Variants in AGBL4 observed in about 807,000 individuals in gnomAD.
The protein encoded by AGBL4 is cytosolic carboxypeptidase 6.
A neutral mutation model predicts 66.4 loss-of-function variants in AGBL4; 58 were observed. The ratio of observed to expected loss-of-function variants is 0.87; its 90% confidence interval spans 0.71 to 1.09. AGBL4 has a LOEUF of 1.09. Among genes scored for constraint, AGBL4 ranks in the 50% least tolerant of loss-of-function variants. AGBL4 has a pLI of 0.00. For missense variants in AGBL4, 579 were observed against 631.0 expected (o/e 0.92, Z 0.88); for synonymous variants, 234 against 222.9 (o/e 1.05, Z -0.44).
intron 2 of AGBL4, among the ~76,000 whole-genome samples, chr1:49,758,050 G>A (rs532021834): frequency 6.6e-6 from 1 of 152,134 alleles, no homozygotes; most frequent in Non-Finnish European, 1.5e-5. Flanking sequence ...CTCAGGACAT[G>A]GTGCCCTGCA....
intron 6 of AGBL4, among the ~76,000 whole-genome samples, chr1:48,754,745 G>A (rs994011305): frequency 6.6e-6 from 1 of 152,168 alleles, no homozygotes; most frequent in Non-Finnish European, 1.5e-5. Context: ...TAAGATCACA[G>A]ACAAGGAAAG....
rs376035897 is a variant in AGBL4 at position 49,794,122 on chromosome 1, AAAC to A, written c.157+57271_157+57273del. ...GAATAAGTGAGAATCAAAAGAGTGAAAACAACATGACTGTGTTTGTCATATTTT... is the reference window on the plus strand; with the variant it reads ...GAATAAGTGAGAATCAAAAGAGTGAAAACATGACTGTGTTTGTCATATTTT... On this transcript the variant is annotated intron_variant, in intron 2 of 13. Transcript: ENST00000371839. Among the ~76,000 whole-genome samples, 51 of 152,080 alleles carry A rather than the reference AAAC, an allele frequency of 3.4e-4. 2 individuals are homozygous for A. In the South Asian group the frequency reaches 9.3e-3, roughly 28 times the overall value.
chr1:49,256,164 AAC>A (rs1652481439), intron 3 of AGBL4, among the ~76,000 whole-genome samples: 1 of 151,664 alleles, frequency 6.6e-6, no homozygotes, highest in African/African-American at 2.4e-5. Flanking sequence ...AAAGTTAAAA[AAC>A]ACAAAAAATT....
chr1:49,045,924 G>C (rs1187525073), intron 4 of AGBL4, 124 bp from the exon 5 acceptor site: 10 of 808,210 alleles, frequency 1.2e-5, no homozygotes, highest in Admixed American at 2.8e-5. Context: ...GATGGGGCTG[G>C]GAGAATGACA....
intron 4 of AGBL4, among the ~76,000 whole-genome samples, chr1:49,054,061 G>C (rs1644267219): frequency 6.6e-6 from 1 of 152,074 alleles, no homozygotes; most frequent in Non-Finnish European, 1.5e-5. Context: ...TGAAAAGCCA[G>C]ACATCAGAGC....
chr1:49,106,676 T>G (rs1422014554), intron 4 of AGBL4, among the ~76,000 whole-genome samples: 1 of 152,196 alleles, frequency 6.6e-6, no homozygotes, highest in Non-Finnish European at 1.5e-5. Context: ...CACTGAGTCA[T>G]ATTCATGTTA....
intron 4 of AGBL4, among the ~76,000 whole-genome samples, chr1:49,098,546 G>A (rs1254706461): frequency 6.6e-6 from 1 of 152,206 alleles, no homozygotes; most frequent in East Asian, 1.9e-4. Context: ...AATAGGTCAG[G>A]AAGCAGGGAT....
At chr1:48,660,816 A>G (rs1198512423) in intron 7 of AGBL4, among the ~76,000 whole-genome samples, 1 of 145,566 alleles carries the variant, frequency 6.9e-6, no homozygotes, top group Non-Finnish European at 1.5e-5. Flanking sequence ...TAAAATGCAC[A>G]TCAATTGTTG....
chr1:49,101,249 ATGATCTTGGCTCAC>A (rs1645195874), intron 4 of AGBL4, among the ~76,000 whole-genome samples: 3 of 151,562 alleles, frequency 2.0e-5, no homozygotes, highest in Admixed American at 2.0e-4. Flanking sequence ...GTGCAGTGGT[ATGATCTTGGCTCAC>A]TGCAACCTCC....
intron 1 of AGBL4, among the ~76,000 whole-genome samples, chr1:49,963,377 G>C (rs1657278262): frequency 6.6e-6 from 1 of 152,002 alleles, no homozygotes; most frequent in African/African-American, 2.4e-5. Context: ...TACTCCAAAG[G>C]CTAGTGACTG....
At chr1:49,775,023 C>T (rs1312190019) in intron 2 of AGBL4, among the ~76,000 whole-genome samples, 2 of 152,002 alleles carry the variant, frequency 1.3e-5, no homozygotes. Context: ...ATGAGATACA[C>T]AGGCAATGTA....
intron 5 of AGBL4, among the ~76,000 whole-genome samples, chr1:49,001,605 G>A (rs1039051414): frequency 3.9e-5 from 6 of 152,080 alleles, no homozygotes; most frequent in South Asian, 2.1e-4. Flanking sequence ...GTTACCAAGT[G>A]GTGTCAGCTC....
chr1:49,132,965 A>G (rs140558968), intron 4 of AGBL4, among the ~76,000 whole-genome samples: 170 of 152,320 alleles, frequency 1.1e-3, no homozygotes, highest in African/African-American at 3.9e-3. Context: ...CACTATTTAC[A>G]ATAGCAAAGC....
At chr1:49,770,544 A>G (rs1027827464) in intron 2 of AGBL4, among the ~76,000 whole-genome samples, 2 of 152,118 alleles carry the variant, frequency 1.3e-5, no homozygotes, top group Non-Finnish European at 2.9e-5. Context: ...AAAGAGTTTG[A>G]AAGTATTCCC....
intron 4 of AGBL4, among the ~76,000 whole-genome samples, chr1:49,210,788 C>T (rs1326223343): frequency 1.3e-5 from 2 of 152,062 alleles, no homozygotes; most frequent in African/African-American, 2.4e-5. Context: ...CCCTGAAAAT[C>T]TTCTAAACAA....
At chr1:49,512,567 A>C (rs1649372063) in intron 3 of AGBL4, among the ~76,000 whole-genome samples, 1 of 151,552 alleles carries the variant, frequency 6.6e-6, no homozygotes, top group Non-Finnish European at 1.5e-5. Flanking sequence ...TTCCTACTTC[A>C]CCATGTGACA....
intron 1 of AGBL4, among the ~76,000 whole-genome samples, chr1:49,893,564 G>C (rs1047919887): frequency 1.3e-5 from 2 of 152,116 alleles, no homozygotes; most frequent in African/African-American, 2.4e-5. Context: ...GGCCTTAAGC[G>C]AACATTGACA....
intron 6 of AGBL4, among the ~76,000 whole-genome samples, chr1:48,793,043 T>C (rs1473707482): frequency 1.3e-5 from 2 of 152,178 alleles, no homozygotes; most frequent in Admixed American, 6.5e-5. Context: ...CTCTTGGAAA[T>C]TGACTTCCTT....
intron 6 of AGBL4, among the ~76,000 whole-genome samples, chr1:48,770,737 C>T (rs1379217410): frequency 6.6e-6 from 1 of 152,182 alleles, no homozygotes; most frequent in Non-Finnish European, 1.5e-5. Flanking sequence ...CCAGGGTTCT[C>T]CTCGAGACAG....
Sources: gnomAD v4.1 joint callset for allele counts (sites outside exome capture counted in the v4.1 genomes callset) on GRCh38, gnomAD v4.1.1 for gene constraint, MANE v1.5 for transcripts, NCBI Gene and HGNC (gene_info 2026-07-23, HGNC 2026-07-21) for gene names.